RAB2A: variants seen among roughly 807,000 people sequenced by gnomAD.
The protein encoded by RAB2A is ras-related protein Rab-2A.
A neutral mutation model predicts 32.5 loss-of-function variants in RAB2A; 7 were observed. That is an observed-to-expected ratio of 0.22 (90% CI 0.12 to 0.40). RAB2A has a LOEUF of 0.40. Among genes scored for constraint, RAB2A ranks in the 10% least tolerant of loss-of-function variants. The pLI is 1.00. For missense variants in RAB2A, 108 were observed against 260.7 expected (o/e 0.41, Z 4.03); for synonymous variants, 79 against 85.2 (o/e 0.93, Z 0.40).
intron 1 of RAB2A, among the ~76,000 whole-genome samples, chr8:60,523,804 C>T (rs1429662307): frequency 1.3e-5 from 2 of 151,772 alleles, no homozygotes; most frequent in East Asian, 1.9e-4. Flanking sequence ...CATTCTCCTG[C>T]CTCAGCCTCC....
intron 6 of RAB2A, among the ~76,000 whole-genome samples, chr8:60,595,355 G>C (rs548573594): frequency 6.6e-6 from 1 of 152,266 alleles, no homozygotes; most frequent in Non-Finnish European, 1.5e-5. Context: ...GAAGGCAGGA[G>C]AAGGAAAATA....
intron 6 of RAB2A, among the ~76,000 whole-genome samples, chr8:60,600,046 T>G (rs1804104314): frequency 1.4e-5 from 2 of 145,664 alleles, no homozygotes; most frequent in African/African-American, 5.2e-5. Context: ...TCAAAAGTGT[T>G]GAGTAATTTT....
rs1428124225 is a variant in RAB2A at position 60,565,027 on chromosome 8, A to G, written c.118+6104A>G. ...TAATTCCCACTACATTTATTTCACT[A>G]CCTACAAATGGACAGTTTGACCAAT... On this transcript the variant is annotated intron_variant, in intron 2 of 7. Coordinates refer to ENST00000262646, the MANE Select transcript of RAB2A (RefSeq NM_002865.3). 2.6e-5 allele frequency among the ~76,000 whole-genome samples: 4 copies of G among 152,304 alleles called. No individual in the cohort carries two copies. In the East Asian group the frequency reaches 5.8e-4, roughly 22 times the overall value.
Position 60,592,205 on chromosome 8 carries a change from C to T in RAB2A, c.474+236C>T, listed in dbSNP as rs188810877. 2.1e-5 allele frequency: 6 copies of T among 286,678 alleles called. No individual in the cohort carries two copies. In the Admixed American group the frequency reaches 2.9e-4, roughly 14 times the overall value. The allele number at this position is 286,678 out of a possible 1,614,324, so 17.8% of individuals were successfully genotyped here. ...ACATTTTTGTACGTATTTTCACTCC[C>T]TCCCTTTTTCTAAACAATTTCCTAT... On this transcript the variant is annotated intron_variant, in intron 6 of 7. Coordinates refer to ENST00000262646, the MANE Select transcript of RAB2A (RefSeq NM_002865.3).
At chr8:60,557,715 A>G (rs1807960047) in intron 1 of RAB2A, among the ~76,000 whole-genome samples, 1 of 149,112 alleles carries the variant, frequency 6.7e-6, no homozygotes, top group Non-Finnish European at 1.5e-5. Context: ...ACAGATGCGC[A>G]CCACCACACC....
In RAB2A at chr8:60,584,194, T is replaced by G; in HGVS notation, c.187-14T>G. On this transcript the variant is annotated splice_polypyrimidine_tract_variant and intron_variant, in intron 3 of 7. Transcript: ENST00000262646. ...GTATTAAAGGAAACTCTCCAACCTT[T>G]TTTTTCGTTACAGGCAGGGCAAGAA... The G allele has an allele frequency of 6.3e-7, 1 of 1,575,910 alleles. No homozygotes were observed. Among genetic ancestry groups the G allele is most frequent in the South Asian group, 1.1e-5 (1 of 90,276 alleles).
At chr8:60,599,963 C>T (rs370862767) in intron 6 of RAB2A, among the ~76,000 whole-genome samples, 1 of 151,456 alleles carries the variant, frequency 6.6e-6, no homozygotes, top group East Asian at 1.9e-4. Flanking sequence ...TGAAAAGACA[C>T]ATCTTCAGAG....
chr8:60,608,562 TCTC>T (rs1183210293), intron 6 of RAB2A, among the ~76,000 whole-genome samples: 2 of 145,488 alleles, frequency 1.4e-5, no homozygotes, highest in East Asian at 4.0e-4. Context: ...TCTCTCTCCT[TCTC>T]CTTCTCCTTC....
intron 3 of RAB2A, among the ~76,000 whole-genome samples, chr8:60,572,752 T>A (rs1045270569): frequency 6.6e-6 from 1 of 152,190 alleles, no homozygotes; most frequent in Non-Finnish European, 1.5e-5. Context: ...AACTACTTTA[T>A]ACATTTAAAA....
In RAB2A at chr8:60,521,964, A is replaced by G. The variant is rs115220356; in HGVS notation, c.46+4711A>G. ...TGCAAGTGATTTGGAGCATTGGTTC[A>G]CATGCAAAACCATTGACAAATGGGG... On this transcript the variant is annotated intron_variant, in intron 1 of 7. Coordinates refer to ENST00000262646, the MANE Select transcript of RAB2A (RefSeq NM_002865.3). Among the ~76,000 whole-genome samples the G allele has an allele frequency of 5.5e-3, 833 of 152,304 alleles. 7 individuals carry two copies. Among genetic ancestry groups the G allele is most frequent in the African/African-American group, 0.018 (754 of 41,560 alleles).
intron 2 of RAB2A, among the ~76,000 whole-genome samples, chr8:60,559,835 A>T (rs577615255): frequency 6.2e-4 from 94 of 152,326 alleles, no homozygotes; most frequent in African/African-American, 2.2e-3. Context: ...TTTACTATTT[A>T]TAGCATGTTG....
intron 6 of RAB2A, among the ~76,000 whole-genome samples, chr8:60,612,025 T>G (rs1347320756): frequency 6.6e-6 from 1 of 152,222 alleles, no homozygotes; most frequent in Non-Finnish European, 1.5e-5. Context: ...GTTTGTTCCA[T>G]AGGTATACAT....
chr8:60,558,633 A>G (rs1807973690), intron 1 of RAB2A: 2 of 577,282 alleles, frequency 3.5e-6, no homozygotes, highest in Non-Finnish European at 6.2e-6. Flanking sequence ...TGAAATATTA[A>G]ATGTGTAAGA....
chr8:60,582,285 G>A (rs1241599845), intron 3 of RAB2A, among the ~76,000 whole-genome samples: 1 of 152,088 alleles, frequency 6.6e-6, no homozygotes, highest in African/African-American at 2.4e-5. Flanking sequence ...TATTTTTATA[G>A]CCCTTTTGTG....
chr8:60,618,687 G>A, intron 7 of RAB2A, 39 bp downstream of exon 7: 5 of 836,860 alleles, frequency 6.0e-6, no homozygotes, highest in Non-Finnish European at 8.2e-6. Context: ...TATTAATTTA[G>A]AGTTCACTTT....
chr8:60,548,634 G>GC (rs1452448524), intron 1 of RAB2A, among the ~76,000 whole-genome samples: 20 of 144,222 alleles, frequency 1.4e-4, no homozygotes, highest in Non-Finnish European at 2.3e-4. Context: ...GGCTGGCCGA[G>GC]CGGGGGGCTG....
chr8:60,611,970 A>G (rs1804357347), intron 6 of RAB2A, among the ~76,000 whole-genome samples: 1 of 152,144 alleles, frequency 6.6e-6, no homozygotes, highest in African/African-American at 2.4e-5. Context: ...TAAAATAAAC[A>G]ACTATTTTTT....
intron 2 of RAB2A, among the ~76,000 whole-genome samples, chr8:60,569,135 T>C (rs1485784198): frequency 6.6e-6 from 1 of 152,204 alleles, no homozygotes; most frequent in East Asian, 1.9e-4. Context: ...GTGTGTTTGT[T>C]TTCGCTTTGA....
intron 3 of RAB2A, among the ~76,000 whole-genome samples, chr8:60,581,532 G>C (rs944501500): frequency 5.9e-5 from 9 of 152,168 alleles, no homozygotes; most frequent in Non-Finnish European, 1.0e-4. Flanking sequence ...GACTGCAGTT[G>C]ACCACCAATA....
Sources: allele counts gnomAD v4.1 joint callset (sites outside exome capture counted in the v4.1 genomes callset), GRCh38; gene constraint gnomAD v4.1.1; transcripts MANE v1.5; gene names NCBI Gene and HGNC (gene_info 2026-07-23, HGNC 2026-07-21).